CEP112: variants seen among roughly 807,000 people sequenced by gnomAD.
The protein encoded by CEP112 is centrosomal protein of 112 kDa.
Under a neutral mutation model 153.0 loss-of-function variants are expected in CEP112, and 127 were observed. That is an observed-to-expected ratio of 0.83 (90% CI 0.72 to 0.96). CEP112 has a LOEUF of 0.96. CEP112 is among the 40% of genes least tolerant of loss of function. The probability of loss-of-function intolerance (pLI) is 0.00; values close to 1 mark genes in which losing one functional copy is unlikely to be tolerated. For missense variants in CEP112, 1,089 were observed against 1,101.2 expected (o/e 0.99, Z 0.16); for synonymous variants, 358 against 374.4 (o/e 0.96, Z 0.51).
At chr17:65,754,154 T>A (rs1443702957) in intron 21 of CEP112, among the ~76,000 whole-genome samples, 2 of 152,226 alleles carry the variant, frequency 1.3e-5, no homozygotes, top group South Asian at 2.1e-4. Flanking sequence ...GGGTACTTTA[T>A]AATTTTAAAA....
chr17:66,167,834 CTA>C (rs1320971658), intron 4 of CEP112, among the ~76,000 whole-genome samples: 1 of 152,102 alleles, frequency 6.6e-6, no homozygotes, highest in African/African-American at 2.4e-5. Context: ...CCTCACTGGA[CTA>C]TAGAGAGGAT....
intron 24 of CEP112, among the ~76,000 whole-genome samples, chr17:65,666,026 C>A (rs1292241504): frequency 6.6e-6 from 1 of 152,234 alleles, no homozygotes; most frequent in African/African-American, 2.4e-5. Context: ...CATTTCAACT[C>A]TGATCACTCA....
intron 17 of CEP112, among the ~76,000 whole-genome samples, chr17:65,991,387 TA>T (rs1302951166): frequency 1.3e-5 from 2 of 152,104 alleles, no homozygotes; most frequent in African/African-American, 4.8e-5. Flanking sequence ...AATGATACGT[TA>T]TAAATTGCAT....
chr17:65,918,039 G>A (rs1025003970), intron 19 of CEP112, among the ~76,000 whole-genome samples: 2 of 151,928 alleles, frequency 1.3e-5, no homozygotes, highest in African/African-American at 4.8e-5. Flanking sequence ...AATTAGCCAG[G>A]CGTGGTGGCG....
chr17:66,144,321 C>T (rs1395568570), intron 4 of CEP112, among the ~76,000 whole-genome samples: 8 of 152,124 alleles, frequency 5.3e-5, no homozygotes, highest in African/African-American at 1.9e-4. Flanking sequence ...TGAAATTAAA[C>T]AGTATGTACA....
intron 18 of CEP112, among the ~76,000 whole-genome samples, chr17:65,950,089 C>A (rs904894220): frequency 4.6e-5 from 7 of 152,036 alleles, no homozygotes; most frequent in African/African-American, 1.7e-4. Flanking sequence ...TTAAAATGAT[C>A]CTTCAAAAAG....
chr17:66,139,396 G>A (rs1377607077), intron 4 of CEP112, among the ~76,000 whole-genome samples: 1 of 152,120 alleles, frequency 6.6e-6, no homozygotes, highest in Admixed American at 6.5e-5. Flanking sequence ...TGGAGCCCAG[G>A]AGTACATGAC....
At chr17:66,163,045 A>G (rs2146774705) in intron 4 of CEP112, among the ~76,000 whole-genome samples, 1 of 152,326 alleles carries the variant, frequency 6.6e-6, no homozygotes, top group Non-Finnish European at 1.5e-5. Context: ...AATTCAAAAT[A>G]GAGAGGTAAA....
At chr17:66,115,959 A>C (rs9893626) in intron 6 of CEP112, among the ~76,000 whole-genome samples, 7,366 of 152,202 alleles carry the variant, frequency 0.048, 235 homozygotes, top group African/African-American at 0.071. Flanking sequence ...AAGCCCCGAA[A>C]TGAAGGTTAA....
At chr17:65,868,183 T>C (rs922809361) in intron 20 of CEP112, among the ~76,000 whole-genome samples, 3 of 152,150 alleles carry the variant, frequency 2.0e-5, no homozygotes, top group African/African-American at 7.2e-5. Flanking sequence ...ATAAAATATC[T>C]CATTTTACTT....
chr17:65,659,896 T>C (rs9892563), intron 24 of CEP112, among the ~76,000 whole-genome samples: 1,786 of 152,206 alleles, frequency 0.012, 33 homozygotes, highest in African/African-American at 0.041. Flanking sequence ...GACTGGGACA[T>C]TGAAGAATGA....
chr17:66,156,537 C>T lies in CEP112; in HGVS notation c.470+18507G>A, dbSNP rs192995547. ...AAAGCTGGACAGAGAATGAGTTTGA[C>T]GAATTTACAGAAGTAGGCTTCAGAA... On this transcript the variant is annotated intron_variant, in intron 4 of 26. Transcript: ENST00000535342. Among the ~76,000 whole-genome samples, 689 of 152,130 alleles carry T rather than the reference C, an allele frequency of 4.5e-3. 1 individual carries two copies. The highest frequency in any genetic ancestry group is 5.2e-3 in the Non-Finnish European group (352 of 68,008).
intron 24 of CEP112, among the ~76,000 whole-genome samples, chr17:65,646,030 G>A (rs112520395): frequency 6.6e-6 from 1 of 152,182 alleles, no homozygotes; most frequent in African/African-American, 2.4e-5. Flanking sequence ...AAGTACTTAA[G>A]CCCTTTGGTT....
chr17:65,639,467 G>C (rs1167077610), intron 25 of CEP112, among the ~76,000 whole-genome samples: 2 of 151,938 alleles, frequency 1.3e-5, no homozygotes, highest in African/African-American at 2.4e-5. Context: ...CTTGAGGTCA[G>C]GAGTTCGAGA....
chr17:65,895,853 G>A (rs547243539), intron 20 of CEP112, among the ~76,000 whole-genome samples: 1 of 152,182 alleles, frequency 6.6e-6, no homozygotes, highest in Non-Finnish European at 1.5e-5. Flanking sequence ...AAGGCTTCAT[G>A]TTGGCAGAAC....
intron 15 of CEP112, 150 bp from the exon 16 acceptor site, chr17:66,027,710 TG>T: frequency 1.9e-6 from 1 of 536,100 alleles, no homozygotes; most frequent in African/African-American, 2.0e-5. Context: ...AGGTAGAAAT[TG>T]GAGTAGCTTT....
intron 24 of CEP112, among the ~76,000 whole-genome samples, chr17:65,660,233 TTCC>T (rs1401990917): frequency 5.4e-5 from 5 of 92,904 alleles, no homozygotes; most frequent in Non-Finnish European, 8.4e-5. Context: ...CCCTCCTTCC[TTCC>T]TCTTTTTTGT....
rs183818214 is a variant in CEP112, at chr17:65,832,343, C to T, written c.2394+19461G>A. On this transcript the variant is annotated intron_variant, in intron 21 of 26. Coordinates refer to ENST00000535342, the MANE Select transcript of CEP112 (RefSeq NM_001199165.4). Reference sequence around the variant, plus strand: ...AGCAGAAGAGAAGAAATAACCAAAACGAGAGCTGAAATGAAGGAAACTGAG... The same window carrying T: ...AGCAGAAGAGAAGAAATAACCAAAATGAGAGCTGAAATGAAGGAAACTGAG... Among the ~76,000 whole-genome samples the T allele has an allele frequency of 1.8e-4, 27 of 149,322 alleles. No individual in the cohort carries two copies. The East Asian group carries it at 4.2e-3, about 23-fold the overall frequency.
At chr17:65,777,965 G>C (rs1216420780) in intron 21 of CEP112, among the ~76,000 whole-genome samples, 3 of 152,048 alleles carry the variant, frequency 2.0e-5, no homozygotes, top group African/African-American at 4.8e-5. Context: ...ACCCAATTCA[G>C]TTATTTCTCA....
Sources: allele counts gnomAD v4.1 joint callset (sites outside exome capture counted in the v4.1 genomes callset), GRCh38; gene constraint gnomAD v4.1.1; transcripts MANE v1.5; gene names NCBI Gene and HGNC (gene_info 2026-07-23, HGNC 2026-07-21).